KIF26B: variants seen among roughly 807,000 people sequenced by gnomAD.
KIF26B encodes kinesin family member 26B.
A neutral mutation model predicts 151.2 loss-of-function variants in KIF26B; 63 were observed. That is an observed-to-expected ratio of 0.42 (90% CI 0.34 to 0.51). The LOEUF is 0.51. Ranked by LOEUF, KIF26B falls within the 20% of genes least tolerant of loss-of-function variation. The probability of loss-of-function intolerance (pLI) is 0.07; values close to 1 mark genes in which losing one functional copy is unlikely to be tolerated. For missense variants in KIF26B, 2,813 were observed against 2,913.6 expected, an observed-to-expected ratio of 0.97 and a Z score of 0.79; for synonymous variants, 1,357 against 1,262.1, an observed-to-expected ratio of 1.08 and a Z score of -1.59.
At chr1:245,199,486 G>C (rs1303475257) in intron 2 of KIF26B, among the ~76,000 whole-genome samples, 1 of 150,758 alleles carries the variant, frequency 6.6e-6, no homozygotes, top group Non-Finnish European at 1.5e-5. Flanking sequence ...ACATATCTTT[G>C]GTTTTTTTTT....
intron 2 of KIF26B, among the ~76,000 whole-genome samples, chr1:245,357,065 G>A (rs60923611): frequency 0.074 from 11,250 of 152,224 alleles, 1,302 homozygotes; most frequent in African/African-American, 0.25. Flanking sequence ...TTCATGGCTG[G>A]TTCAGGCTGA....
chr1:245,436,804 T>C (rs1658945362), intron 4 of KIF26B, among the ~76,000 whole-genome samples: 1 of 152,038 alleles, frequency 6.6e-6, no homozygotes, highest in African/African-American at 2.4e-5. Context: ...GAAAACAACT[T>C]GTATTTAGTG....
chr1:245,565,367 C>T (rs2042999597), intron 5 of KIF26B, among the ~76,000 whole-genome samples: 1 of 151,768 alleles, frequency 6.6e-6, no homozygotes, highest in South Asian at 2.1e-4. Flanking sequence ...CAGCTCACTG[C>T]AACCTCCACC....
At chr1:245,280,537 A>AAAAAAAAAG (rs752454576) in intron 2 of KIF26B, among the ~76,000 whole-genome samples, 8 of 123,654 alleles carry the variant, frequency 6.5e-5, no homozygotes, top group Non-Finnish European at 9.2e-5. Context: ...TCTCAAAAAA[A>AAAAAAAAAG]AAAAGAAAAG....
chr1:245,228,700 C>T (rs974421106), intron 2 of KIF26B, among the ~76,000 whole-genome samples: 4 of 152,102 alleles, frequency 2.6e-5, no homozygotes, highest in Admixed American at 1.3e-4. Flanking sequence ...TAGTAATTTA[C>T]ATGTATTATC....
intron 9 of KIF26B, among the ~76,000 whole-genome samples, chr1:245,640,136 T>TCTCTCTCTCTCTCTCTCTCTCTCC (rs2043875368): frequency 1.4e-5 from 1 of 69,752 alleles, no homozygotes; most frequent in African/African-American, 6.0e-5. Flanking sequence ...TCTCTCTCTC[T>TCTCTCTCTCTCTCTCTCTCTCTCC]CTCTCTCTAT....
At chr1:245,543,232 C>T (rs1159123848) in intron 5 of KIF26B, among the ~76,000 whole-genome samples, 1 of 151,898 alleles carries the variant, frequency 6.6e-6, no homozygotes, top group Non-Finnish European at 1.5e-5. Flanking sequence ...AAAGAGTGTC[C>T]CAGCCAGCAG....
intron 2 of KIF26B, chr1:245,226,100 C>G (rs987802452): frequency 6.6e-6 from 1 of 152,276 alleles, no homozygotes; most frequent in Non-Finnish European, 1.5e-5. Context: ...GCAGCGTTCC[C>G]CACGAGGGGC....
At chr1:245,590,971 T>A (rs2043282950) in intron 5 of KIF26B, among the ~76,000 whole-genome samples, 1 of 151,462 alleles carries the variant, frequency 6.6e-6, no homozygotes, top group African/African-American at 2.4e-5. Context: ...GTCTCAGCTC[T>A]GTGAGTGTAG....
At chr1:245,436,673 T>C (rs1336478606) in intron 4 of KIF26B, among the ~76,000 whole-genome samples, 2 of 152,162 alleles carry the variant, frequency 1.3e-5, no homozygotes, top group Admixed American at 6.5e-5. Context: ...GTTAATATCA[T>C]CTAGTAAATA....
chr1:245,389,696 C>T (rs1334391051), intron 3 of KIF26B, among the ~76,000 whole-genome samples: 1 of 152,128 alleles, frequency 6.6e-6, no homozygotes, highest in Non-Finnish European at 1.5e-5. Context: ...ATGAAGTATC[C>T]ATTTTTTTAA....
At chr1:245,641,399 G>A (rs944630866) in intron 9 of KIF26B, among the ~76,000 whole-genome samples, 1 of 152,082 alleles carries the variant, frequency 6.6e-6, no homozygotes, top group Non-Finnish European at 1.5e-5. Context: ...AAAGTTCTGT[G>A]TTATTTCTTT....
intron 2 of KIF26B, among the ~76,000 whole-genome samples, chr1:245,242,341 T>C (rs904626403): frequency 1.3e-5 from 2 of 152,180 alleles, no homozygotes; most frequent in Admixed American, 6.5e-5. Context: ...AATGAAACAA[T>C]AAAGATTTAG....
chr1:245,281,825 C>G (rs1412348573), intron 2 of KIF26B, among the ~76,000 whole-genome samples: 2 of 151,824 alleles, frequency 1.3e-5, no homozygotes, highest in African/African-American at 4.8e-5. Context: ...CTACATATGG[C>G]TAGCCAGTTT....
At chr1:245,636,860 TTGTGTGTGTGTG>T (rs34722448) in intron 9 of KIF26B, among the ~76,000 whole-genome samples, 10 of 149,296 alleles carry the variant, frequency 6.7e-5, no homozygotes, top group South Asian at 2.1e-4. Context: ...TAATATTCCA[TTGTGTGTGTGTG>T]TGTGTGTGTG....
At chr1:245,599,654 A>C (rs1182790741) in intron 5 of KIF26B, among the ~76,000 whole-genome samples, 1 of 152,184 alleles carries the variant, frequency 6.6e-6, no homozygotes, top group African/African-American at 2.4e-5. Context: ...ATCATCCTTG[A>C]CTTGCAATGC....
At chr1:245,551,999 T>C (rs1324777458) in intron 5 of KIF26B, among the ~76,000 whole-genome samples, 1 of 152,160 alleles carries the variant, frequency 6.6e-6, no homozygotes. Flanking sequence ...GGCAGGGCCA[T>C]GTCCTTCTTG....
chr1:245,337,391 A>T (rs566749079), intron 2 of KIF26B, among the ~76,000 whole-genome samples: 1 of 151,984 alleles, frequency 6.6e-6, no homozygotes, highest in African/African-American at 2.4e-5. Flanking sequence ...CACATTGGCC[A>T]GGCTGGTCTC....
chr1:245,264,722 G>A (rs1417581174), intron 2 of KIF26B, among the ~76,000 whole-genome samples: 2 of 151,010 alleles, frequency 1.3e-5, no homozygotes, highest in Non-Finnish European at 2.9e-5. Context: ...GTGAAACCCC[G>A]TTTCTACTAA....
Sources: allele counts gnomAD v4.1 joint callset (sites outside exome capture counted in the v4.1 genomes callset), GRCh38; gene constraint gnomAD v4.1.1; transcripts MANE v1.5; gene names NCBI Gene and HGNC (gene_info 2026-07-23, HGNC 2026-07-21).